The following IL1RAPL2 variants were observed in gnomAD, a reference collection of about 807,000 sequenced individuals.
IL1RAPL2 encodes interleukin 1 receptor accessory protein like 2.
In IL1RAPL2, 3 loss-of-function variants were observed where a neutral mutation model predicts 44.1. The observed-to-expected ratio is 0.07, with a 90% CI of 0.03 to 0.18. IL1RAPL2 has a LOEUF of 0.18. Ranked by LOEUF, IL1RAPL2 falls within the 10% of genes least tolerant of loss-of-function variation. The pLI is 1.00. For synonymous variants in IL1RAPL2, 181 were observed against 178.8 expected, an observed-to-expected ratio of 1.01 and a Z score of -0.10; for missense variants, 391 against 496.4, an observed-to-expected ratio of 0.79 and a Z score of 2.02.
At chrX:105,480,007 A>G (rs2036223902) in intron 5 of IL1RAPL2, among the ~76,000 whole-genome samples, 1 of 111,419 alleles carries the variant, frequency 9.0e-6, no homozygotes, top group Admixed American at 9.6e-5. Context: ...ATTGACCATA[A>G]CATACAAATT....
chrX:105,094,071 T>C (rs1160938611), intron 2 of IL1RAPL2, among the ~76,000 whole-genome samples: 1 of 111,538 alleles, frequency 9.0e-6, no homozygotes, highest in East Asian at 2.8e-4. Flanking sequence ...TGTGGCAAAA[T>C]GTGAGTAAAG....
At chrX:104,988,129 C>T (rs977367786) in intron 2 of IL1RAPL2, among the ~76,000 whole-genome samples, 1 of 112,255 alleles carries the variant, frequency 8.9e-6, no homozygotes, top group Non-Finnish European at 1.9e-5. Context: ...TGACCACTAG[C>T]TATCTGCTGT....
At chrX:104,995,797 C>T (rs988822075) in intron 2 of IL1RAPL2, among the ~76,000 whole-genome samples, 11 of 111,958 alleles carry the variant, frequency 9.8e-5, no homozygotes, top group African/African-American at 3.6e-4. Flanking sequence ...CTCTTTGCCA[C>T]CTATAAGCTG....
intron 2 of IL1RAPL2, among the ~76,000 whole-genome samples, chrX:104,727,033 A>G (rs1931811199): frequency 9.0e-6 from 1 of 110,989 alleles, no homozygotes; most frequent in African/African-American, 3.3e-5. Flanking sequence ...TCTTCTGGAC[A>G]TTGGCTTTGG....
chrX:105,125,091 T>G (rs1482112891), intron 2 of IL1RAPL2, among the ~76,000 whole-genome samples: 5 of 111,058 alleles, frequency 4.5e-5, no homozygotes, highest in African/African-American at 1.6e-4. Context: ...TGGTACTTTC[T>G]TTAAGCTGCT....
chrX:104,869,162 T>C (rs1182978400), intron 2 of IL1RAPL2, among the ~76,000 whole-genome samples: 3 of 111,413 alleles, frequency 2.7e-5, no homozygotes, highest in African/African-American at 9.8e-5. Context: ...TGTTATTCAC[T>C]CAAGGCTCTG....
intron 1 of IL1RAPL2, among the ~76,000 whole-genome samples, chrX:104,632,838 C>A (rs111993649): frequency 9.1e-6 from 1 of 110,005 alleles, no homozygotes; most frequent in African/African-American, 3.3e-5. Context: ...TTATTTCCTT[C>A]TCCTGCCTGA....
chrX:104,893,667 G>T (rs1047442458), intron 2 of IL1RAPL2, among the ~76,000 whole-genome samples: 2 of 110,976 alleles, frequency 1.8e-5, no homozygotes, highest in Non-Finnish European at 3.8e-5. Flanking sequence ...CCTTTATGTT[G>T]AGTCTATGTG....
At chrX:105,633,884 G>A (rs923656794) in intron 6 of IL1RAPL2, among the ~76,000 whole-genome samples, 9 of 111,393 alleles carry the variant, frequency 8.1e-5, no homozygotes, top group Admixed American at 2.9e-4. Flanking sequence ...GCTCACAGAA[G>A]GGGTTACATG....
At chrX:105,072,112 C>T (rs1254685147) in intron 2 of IL1RAPL2, among the ~76,000 whole-genome samples, 1 of 110,864 alleles carries the variant, frequency 9.0e-6, no homozygotes, top group Non-Finnish European at 1.9e-5. Flanking sequence ...AGGGGAGTTT[C>T]CCCTAAGCTG....
intron 5 of IL1RAPL2, among the ~76,000 whole-genome samples, chrX:105,405,003 T>C (rs2035632471): frequency 8.9e-6 from 1 of 111,769 alleles, no homozygotes; most frequent in Non-Finnish European, 1.9e-5. Context: ...GACAGTAGTG[T>C]TTATTCTCAC....
At chrX:105,725,904 A>G (rs1457815516) in intron 7 of IL1RAPL2, among the ~76,000 whole-genome samples, 1 of 112,053 alleles carries the variant, frequency 8.9e-6, no homozygotes, top group Non-Finnish European at 1.9e-5. Flanking sequence ...GAATGTACAC[A>G]TTATAAACAG....
chrX:105,082,357 C>A (rs891214884), intron 2 of IL1RAPL2, among the ~76,000 whole-genome samples: 1 of 111,306 alleles, frequency 9.0e-6, no homozygotes, highest in Non-Finnish European at 1.9e-5. Context: ...CTAGTTGATT[C>A]TTTTCTATTT....
chrX:104,935,998 T>C (rs1427940846), intron 2 of IL1RAPL2, among the ~76,000 whole-genome samples: 1 of 112,190 alleles, frequency 8.9e-6, no homozygotes, highest in Non-Finnish European at 1.9e-5. Flanking sequence ...TCTGTTCTTC[T>C]ACAGATGAGC....
chrX:104,569,052 T>G (rs1928096056), intron 1 of IL1RAPL2, among the ~76,000 whole-genome samples: 1 of 112,284 alleles, frequency 8.9e-6, no homozygotes, highest in Admixed American at 9.4e-5. Flanking sequence ...GCTTGCCCAC[T>G]CTAACCTCAG....
chrX:104,929,832 C>A (rs1054734890), intron 2 of IL1RAPL2, among the ~76,000 whole-genome samples: 1 of 111,978 alleles, frequency 8.9e-6, no homozygotes, highest in African/African-American at 3.2e-5. Context: ...ACATGTTCCA[C>A]AGTGGAACCA....
intron 4 of IL1RAPL2, among the ~76,000 whole-genome samples, chrX:105,243,483 T>C (rs2034188951): frequency 9.3e-6 from 1 of 107,136 alleles, no homozygotes; most frequent in East Asian, 2.9e-4. Context: ...CTAATACAAA[T>C]GGTAAGTTTC....
intron 1 of IL1RAPL2, among the ~76,000 whole-genome samples, chrX:104,654,338 G>C (rs1930210959): frequency 9.0e-6 from 1 of 111,246 alleles, no homozygotes; most frequent in East Asian, 2.8e-4. Context: ...TTCAGATTGG[G>C]TAGTTGAGAA....
intron 2 of IL1RAPL2, among the ~76,000 whole-genome samples, chrX:104,714,573 A>C (rs1238533092): frequency 9.0e-6 from 1 of 111,314 alleles, no homozygotes; most frequent in Non-Finnish European, 1.9e-5. Context: ...AGAACTGTGA[A>C]TCAATTCAAC....
Sources: gnomAD v4.1 joint callset for allele counts (sites outside exome capture counted in the v4.1 genomes callset) on GRCh38, gnomAD v4.1.1 for gene constraint, MANE v1.5 for transcripts, NCBI Gene and HGNC (gene_info 2026-07-23, HGNC 2026-07-21) for gene names.